The following POFUT4 variants were observed in gnomAD, a reference collection of about 807,000 sequenced individuals.
POFUT4 encodes GDP-fucose protein O-fucosyltransferase 4.
the POFUT4 span, chr10:73,773,291 C>T: frequency 3.1e-6 from 5 of 1,614,182 alleles, no homozygotes; most frequent in Non-Finnish European, 4.2e-6. Context: ...TCTTGGCTTT[C>T]TTGTCCCGCT....
the POFUT4 span, chr10:73,773,098 TCCAGGTGTCCAGGACTCCAGGTGTCC>T: frequency 6.5e-5 from 7 of 108,280 alleles, no homozygotes; most frequent in Non-Finnish European, 1.0e-4. Context: ...AGGCCAGGAC[TCCAGGTGTCCAGGACTCCAGGTGTCC>T]AGGACTCCAG....
chr10:73,773,809 A>G, the POFUT4 span: 11 of 1,571,038 alleles, frequency 7.0e-6, no homozygotes, highest in African/African-American at 1.1e-4. Flanking sequence ...ATTCCTGAGA[A>G]TGACAGGTAA....
chr10:73,772,574 T>TGGA, the POFUT4 span: 1 of 1,588,020 alleles, frequency 6.3e-7, no homozygotes, highest in Non-Finnish European at 8.6e-7. Context: ...ACTGCTGTGG[T>TGGA]GGAGCCCAGG....
chr10:73,772,629 C>T, the POFUT4 span: 1 of 1,557,536 alleles, frequency 6.4e-7, no homozygotes, highest in Middle Eastern at 1.7e-4. Flanking sequence ...ATCGAGTGTG[C>T]GCGCGGCGCG....
the POFUT4 span, chr10:73,776,201 T>C: frequency 6.6e-6 from 1 of 152,342 alleles, no homozygotes; most frequent in South Asian, 2.1e-4. Context: ...TTTTTTATAT[T>C]ATATACTTTC....
At chr10:73,773,592 C>G in the POFUT4 span, 2 of 1,614,104 alleles carry the variant, frequency 1.2e-6, no homozygotes, top group East Asian at 2.2e-5. Context: ...TCTGAAGCAT[C>G]GGGAGTGGGG....
At chr10:73,772,525 G>A in the POFUT4 span, 2 of 1,563,130 alleles carry the variant, frequency 1.3e-6, no homozygotes, top group Non-Finnish European at 8.7e-7. Context: ...GCTCTGGGAC[G>A]CCGCGGCCAG....
chr10:73,773,888 C>CCTAGTGCTACT, the POFUT4 span: 1 of 1,474,012 alleles, frequency 6.8e-7, no homozygotes, highest in Non-Finnish European at 9.0e-7. Flanking sequence ...TTAAGTAGCA[C>CCTAGTGCTACT]TAGGTGCTGA....
At chr10:73,775,829 T>A in the POFUT4 span, 5 of 864,442 alleles carry the variant, frequency 5.8e-6, no homozygotes, top group Non-Finnish European at 8.9e-6. Context: ...TATTAAGATT[T>A]TATCTTAATG....
chr10:73,779,951 G>A, the POFUT4 span: 2 of 152,322 alleles, frequency 1.3e-5, no homozygotes, highest in African/African-American at 2.4e-5. Flanking sequence ...CAAAAGAGCA[G>A]TGTAAACCAG....
At chr10:73,777,483 G>A in the POFUT4 span, among the ~76,000 whole-genome samples, 1 of 151,842 alleles carries the variant, frequency 6.6e-6, no homozygotes, top group African/African-American at 2.4e-5. Context: ...TTCATAATCT[G>A]TAGCACTTTT....
the POFUT4 span, among the ~76,000 whole-genome samples, chr10:73,777,578 G>GAGTT: frequency 2.0e-5 from 3 of 149,292 alleles, no homozygotes; most frequent in Non-Finnish European, 4.4e-5. Context: ...TTTTGAGATG[G>GAGTT]AGTTTCGCTC....
chr10:73,773,194 ACTC>A, the POFUT4 span: 1 of 1,608,538 alleles, frequency 6.2e-7, no homozygotes, highest in Non-Finnish European at 8.5e-7. Context: ...GTCTAGGTAG[ACTC>A]CTACGGGAAA....
chr10:73,773,583 C>T, the POFUT4 span: 1 of 1,614,280 alleles, frequency 6.2e-7, no homozygotes, highest in Non-Finnish European at 8.5e-7. Flanking sequence ...TCTGGATAGT[C>T]TGAAGCATCG....
At chr10:73,778,347 C>T in the POFUT4 span, among the ~76,000 whole-genome samples, 75 of 146,976 alleles carry the variant, frequency 5.1e-4, no homozygotes, top group Middle Eastern at 3.6e-3. Flanking sequence ...GAGCTGAGAT[C>T]GCACCATTGC....
At chr10:73,777,613 G>A in the POFUT4 span, among the ~76,000 whole-genome samples, 1 of 151,210 alleles carries the variant, frequency 6.6e-6, no homozygotes, top group African/African-American at 2.4e-5. Context: ...GGAGTGCAGT[G>A]GCGCGATCTC....
chr10:73,772,336 G>C, the POFUT4 span: 1 of 1,453,174 alleles, frequency 6.9e-7, no homozygotes, highest in Non-Finnish European at 9.1e-7. Context: ...GAGTGGACAT[G>C]GCGGCCGGCC....
At chr10:73,776,574 G>C in the POFUT4 span, among the ~76,000 whole-genome samples, 1 of 152,122 alleles carries the variant, frequency 6.6e-6, no homozygotes, top group Non-Finnish European at 1.5e-5. Flanking sequence ...CTAGATACTT[G>C]GGAGGTTGAG....
the POFUT4 span, chr10:73,779,552 A>G: frequency 7.0e-6 from 1 of 142,204 alleles, no homozygotes; most frequent in African/African-American, 2.6e-5. Context: ...AACAAGAGCA[A>G]AACTCCATTT....
Sources: allele counts gnomAD v4.1 joint callset (sites outside exome capture counted in the v4.1 genomes callset), GRCh38; gene constraint gnomAD v4.1.1; transcripts MANE v1.5; gene names NCBI Gene and HGNC (gene_info 2026-07-23, HGNC 2026-07-21).